Variants in UEVLD observed in about 807,000 individuals in gnomAD.
The protein encoded by UEVLD is ubiquitin-conjugating enzyme E2 variant 3.
Under a neutral mutation model 58.6 loss-of-function variants are expected in UEVLD, and 47 were observed. That is an observed-to-expected ratio of 0.80 (90% CI 0.63 to 1.02). The LOEUF is 1.02. Among genes scored for constraint, UEVLD ranks in the 50% least tolerant of loss-of-function variants. The probability of loss-of-function intolerance (pLI) is 0.00; values close to 1 mark genes in which losing one functional copy is unlikely to be tolerated. For missense variants in UEVLD, 510 were observed against 550.6 expected (o/e 0.93, Z 0.74); for synonymous variants, 197 against 195.3 (o/e 1.01, Z -0.07).
chr11:18,551,155 G>T (rs928636541), intron 7 of UEVLD, among the ~76,000 whole-genome samples: 1 of 152,104 alleles, frequency 6.6e-6, no homozygotes, highest in Non-Finnish European at 1.5e-5. Context: ...TAGGCCGGGT[G>T]CAGTGGCTCA....
intron 1 of UEVLD, among the ~76,000 whole-genome samples, chr11:18,586,735 T>C (rs1853579236): frequency 6.6e-6 from 1 of 152,198 alleles, no homozygotes; most frequent in South Asian, 2.1e-4. Context: ...CTGCAGTGAA[T>C]GGTCAGGAAA....
At chr11:18,550,510 C>T (rs1851480074) in intron 7 of UEVLD, among the ~76,000 whole-genome samples, 2 of 152,212 alleles carry the variant, frequency 1.3e-5, no homozygotes, top group African/African-American at 4.8e-5. Flanking sequence ...CTTTCCACCT[C>T]CAAGATCTAG....
intron 7 of UEVLD, among the ~76,000 whole-genome samples, chr11:18,548,013 C>CTGA (rs35110669): frequency 6.6e-6 from 1 of 152,112 alleles, no homozygotes; most frequent in Non-Finnish European, 1.5e-5. Context: ...CTTCTGCCTC[C>CTGA]TGAGAAGCTG....
rs913845314 is a variant in UEVLD at position 18,570,030 on chromosome 11, T to C, written c.357+184A>G. 6 of 551,818 alleles carry C rather than the reference T, an allele frequency of 1.1e-5. No individual in the cohort carries two copies. The Admixed American group carries it at 2.4e-4, about 22-fold the overall frequency. 34.2% of individuals were successfully genotyped at this position (551,818 alleles called of 1,614,324 possible). A position where few individuals can be genotyped will look rare whatever the true frequency, so the allele number is the denominator to read the frequency against. ...GGAGGGAGCAGCTTTGTACAGGCAG[T>C]TGTCATCAGGGTTCTGGGACTTGGG... On this transcript the variant is annotated intron_variant, in intron 4 of 11. Coordinates refer to ENST00000396197, the MANE Select transcript of UEVLD (RefSeq NM_001040697.4).
intron 8 of UEVLD, among the ~76,000 whole-genome samples, chr11:18,545,387 T>G (rs1027065134): frequency 1.3e-5 from 2 of 151,498 alleles, no homozygotes; most frequent in Non-Finnish European, 2.9e-5. Context: ...ATATTTTTAA[T>G]GTACATTAGA....
chr11:18,577,898 T>A (rs1853013702), intron 2 of UEVLD, among the ~76,000 whole-genome samples: 3 of 150,080 alleles, frequency 2.0e-5, no homozygotes, highest in African/African-American at 7.4e-5. Context: ...AAAGAAAGAT[T>A]AAGATAATAA....
intron 8 of UEVLD, among the ~76,000 whole-genome samples, chr11:18,546,066 C>T (rs1851292222): frequency 6.6e-6 from 1 of 152,128 alleles, no homozygotes; most frequent in South Asian, 2.1e-4. Flanking sequence ...CATACAATAC[C>T]TCTACATTGG....
rs1026657343 is a variant in UEVLD at position 18,571,079 on chromosome 11, G to A, written c.194-702C>T. On this transcript the variant is annotated intron_variant, in intron 3 of 11. Transcript: ENST00000396197. Reference sequence around the variant, plus strand: ...AAGAAATGTCTATTGAAGGCCGGGCGTGGTGGCTCACACCTGTAATCCCAG... The same window carrying A: ...AAGAAATGTCTATTGAAGGCCGGGCATGGTGGCTCACACCTGTAATCCCAG... Among the ~76,000 whole-genome samples the A allele has an allele frequency of 1.2e-4, 18 of 152,186 alleles. 1 individual carries two copies. The highest frequency in any genetic ancestry group is 4.1e-4 in the South Asian group (2 of 4,820).
At position 18,550,596 on chromosome 11, in the gene UEVLD, A is replaced by G. The variant is rs149254898; in HGVS notation, c.716-3546T>C. On this transcript the variant is annotated intron_variant, in intron 7 of 11. Coordinates refer to ENST00000396197, the MANE Select transcript of UEVLD (RefSeq NM_001040697.4). ...TCCAATCCCAGAAGAACCAGCAACT[A>G]TCTCAATCCTAATCAGTTGAAAGCA... 4.9e-3 allele frequency among the ~76,000 whole-genome samples: 746 copies of G among 152,284 alleles called. 5 individuals are homozygous for G. The highest frequency in any genetic ancestry group is 0.017 in the African/African-American group (720 of 41,562).
chr11:18,557,107 AG>A (rs1851785682), intron 7 of UEVLD, among the ~76,000 whole-genome samples: 1 of 147,438 alleles, frequency 6.8e-6, no homozygotes, highest in African/African-American at 2.5e-5. Flanking sequence ...AAAAAAAAAA[AG>A]AGAGAGAGAT....
At chr11:18,560,098 C>CAT (rs1565125377) in intron 6 of UEVLD, among the ~76,000 whole-genome samples, 2 of 85,232 alleles carry the variant, frequency 2.3e-5, no homozygotes, top group Non-Finnish European at 4.4e-5. Flanking sequence ...TCTACACACA[C>CAT]ACACACACAC....
At chr11:18,584,221 A>T (rs1590380727) in intron 1 of UEVLD, among the ~76,000 whole-genome samples, 1 of 152,142 alleles carries the variant, frequency 6.6e-6, no homozygotes, top group Non-Finnish European at 1.5e-5. Context: ...CTCTACAAAA[A>T]TAAAAACAAA....
chr11:18,579,258 C>T (rs1053150032), intron 1 of UEVLD, among the ~76,000 whole-genome samples: 3 of 152,104 alleles, frequency 2.0e-5, no homozygotes, highest in African/African-American at 7.2e-5. Context: ...TTAACAACAA[C>T]CCTACCAGGT....
intron 9 of UEVLD, among the ~76,000 whole-genome samples, chr11:18,543,539 T>A (rs1415336467): frequency 6.6e-6 from 1 of 152,236 alleles, no homozygotes; most frequent in Non-Finnish European, 1.5e-5. Flanking sequence ...CCAGATGGCC[T>A]TTATAGAATT....
chr11:18,533,173 A>G (rs1223970520), intron 11 of UEVLD, among the ~76,000 whole-genome samples: 2 of 151,572 alleles, frequency 1.3e-5, no homozygotes, highest in African/African-American at 4.8e-5. Flanking sequence ...GATTACAGGC[A>G]TGGGCCACCA....
intron 3 of UEVLD, among the ~76,000 whole-genome samples, chr11:18,574,610 A>T (rs1276292410): frequency 1.3e-5 from 2 of 152,222 alleles, no homozygotes; most frequent in African/African-American, 2.4e-5. Flanking sequence ...GAAAAATGGG[A>T]AGAGTTAAGT....
chr11:18,541,899 G>A (rs1851071457), intron 9 of UEVLD, among the ~76,000 whole-genome samples: 1 of 152,166 alleles, frequency 6.6e-6, no homozygotes, highest in South Asian at 2.1e-4. Context: ...AAAAGCTGTA[G>A]GCTTCCACGC....
chr11:18,556,511 T>C (rs183834408), intron 7 of UEVLD, among the ~76,000 whole-genome samples: 1 of 152,314 alleles, frequency 6.6e-6, no homozygotes, highest in East Asian at 1.9e-4. Flanking sequence ...CTGTATGTCT[T>C]TATATATTAT....
At chr11:18,534,770 A>T (rs1352849998) in intron 10 of UEVLD, among the ~76,000 whole-genome samples, 1 of 152,240 alleles carries the variant, frequency 6.6e-6, no homozygotes, top group Non-Finnish European at 1.5e-5. Context: ...AAAGACTGAT[A>T]ACTAATTTGG....
Sources: allele counts gnomAD v4.1 joint callset (sites outside exome capture counted in the v4.1 genomes callset), GRCh38; gene constraint gnomAD v4.1.1; transcripts MANE v1.5; gene names NCBI Gene and HGNC (gene_info 2026-07-23, HGNC 2026-07-21).